CIMAP3: variants seen among roughly 807,000 people sequenced by gnomAD.
CIMAP3 encodes the protein ciliary microtubule associated protein 3.
the CIMAP3 span, chr1:111,348,383 T>A: frequency 1.1e-6 from 1 of 938,794 alleles, no homozygotes; most frequent in Non-Finnish European, 1.5e-6. Flanking sequence ...CTTATTTCTG[T>A]AGCTTGAGGT....
chr1:111,330,411 GA>G, the CIMAP3 span, among the ~76,000 whole-genome samples: 1 of 152,170 alleles, frequency 6.6e-6, no homozygotes, highest in African/African-American at 2.4e-5. Flanking sequence ...GCCTTTATTT[GA>G]AGCTGACTTC....
the CIMAP3 span, among the ~76,000 whole-genome samples, chr1:111,325,360 T>C: frequency 6.6e-6 from 1 of 152,234 alleles, no homozygotes; most frequent in Non-Finnish European, 1.5e-5. Context: ...TAATACTTAT[T>C]GAAAGCCAGT....
At chr1:111,325,037 C>T in the CIMAP3 span, 3 of 369,246 alleles carry the variant, frequency 8.1e-6, 1 homozygote, top group Admixed American at 1.9e-4. Flanking sequence ...GTTCCACTCA[C>T]CAAATTATTT....
At chr1:111,348,488 A>G in the CIMAP3 span, 1 of 1,574,520 alleles carries the variant, frequency 6.4e-7, no homozygotes, top group Non-Finnish European at 8.6e-7. Flanking sequence ...ATCACTCTGT[A>G]ACATAATGAT....
At chr1:111,347,047 G>T in the CIMAP3 span, 1 of 1,610,870 alleles carries the variant, frequency 6.2e-7, no homozygotes, top group Non-Finnish European at 8.5e-7. Context: ...TTATTTTTCA[G>T]ATGTGAGTAT....
the CIMAP3 span, among the ~76,000 whole-genome samples, chr1:111,335,896 C>G: frequency 5.3e-5 from 8 of 152,230 alleles, no homozygotes; most frequent in Non-Finnish European, 7.3e-5. Context: ...CAGACTGCCT[C>G]CTCAAGTGGG....
chr1:111,340,407 G>A, the CIMAP3 span, among the ~76,000 whole-genome samples: 1 of 152,056 alleles, frequency 6.6e-6, no homozygotes, highest in Non-Finnish European at 1.5e-5. Flanking sequence ...ACTACCATCA[G>A]AGTGAACAGG....
At chr1:111,346,682 C>A in the CIMAP3 span, 11 of 1,613,296 alleles carry the variant, frequency 6.8e-6, no homozygotes, top group Non-Finnish European at 8.5e-6. Context: ...GTGAGGAGGG[C>A]TGCCGAGAAG....
chr1:111,340,811 G>T, the CIMAP3 span, among the ~76,000 whole-genome samples: 1 of 152,010 alleles, frequency 6.6e-6, no homozygotes, highest in Non-Finnish European at 1.5e-5. Flanking sequence ...ATCCCTCAGG[G>T]ATCTAGAACT....
the CIMAP3 span, among the ~76,000 whole-genome samples, chr1:111,331,045 A>C: frequency 7.9e-3 from 1,207 of 152,338 alleles, 16 homozygotes; most frequent in African/African-American, 0.027. Flanking sequence ...CTGCCCTATA[A>C]GGTTTCTGCT....
At chr1:111,332,082 G>A in the CIMAP3 span, among the ~76,000 whole-genome samples, 3 of 152,226 alleles carry the variant, frequency 2.0e-5, no homozygotes, top group African/African-American at 7.2e-5. Context: ...TCAGGGGCAT[G>A]TGTGTGCATA....
the CIMAP3 span, among the ~76,000 whole-genome samples, chr1:111,335,638 G>T: frequency 1.3e-5 from 2 of 152,258 alleles, no homozygotes; most frequent in African/African-American, 4.8e-5. Context: ...GGGGCAGCGA[G>T]GCTGGGGGAG....
At chr1:111,346,833 C>G in the CIMAP3 span, 9 of 1,586,152 alleles carry the variant, frequency 5.7e-6, no homozygotes, top group Non-Finnish European at 6.0e-6. Flanking sequence ...TCAGTCTCCC[C>G]GACCTTCCCC....
the CIMAP3 span, chr1:111,349,843 T>C: frequency 1.1e-5 from 4 of 363,846 alleles, no homozygotes; most frequent in African/African-American, 6.1e-5. Context: ...CAGCTATAGA[T>C]ACTGAGGTAC....
chr1:111,348,189 G>A, the CIMAP3 span, among the ~76,000 whole-genome samples: 1 of 152,166 alleles, frequency 6.6e-6, no homozygotes, highest in Admixed American at 6.5e-5. Flanking sequence ...ACATTTTCCT[G>A]ACACTTGAGC....
the CIMAP3 span, among the ~76,000 whole-genome samples, chr1:111,333,755 C>T: frequency 6.6e-6 from 1 of 152,170 alleles, no homozygotes; most frequent in Non-Finnish European, 1.5e-5. Context: ...CTATAGCACT[C>T]TGTCTGATAC....
At chr1:111,346,553 G>A in the CIMAP3 span, 31 of 1,588,466 alleles carry the variant, frequency 2.0e-5, no homozygotes, top group Non-Finnish European at 2.5e-5. Context: ...GGCGCGCTCG[G>A]GCCCTCTCCC....
the CIMAP3 span, among the ~76,000 whole-genome samples, chr1:111,331,883 T>G: frequency 6.6e-6 from 1 of 152,190 alleles, no homozygotes; most frequent in Admixed American, 6.5e-5. Context: ...TGAATGGGTC[T>G]TGGGATGTCA....
At chr1:111,343,561 T>A in the CIMAP3 span, among the ~76,000 whole-genome samples, 3 of 152,236 alleles carry the variant, frequency 2.0e-5, no homozygotes, top group African/African-American at 7.2e-5. Context: ...CCTGCATGAG[T>A]TCCTTTGTGC....
Sources: gnomAD v4.1 joint callset for allele counts (sites outside exome capture counted in the v4.1 genomes callset) on GRCh38, gnomAD v4.1.1 for gene constraint, MANE v1.5 for transcripts, NCBI Gene and HGNC (gene_info 2026-07-23, HGNC 2026-07-21) for gene names.